MYO6: variants seen among roughly 807,000 people sequenced by gnomAD.
MYO6 encodes the protein unconventional myosin-VI.
A neutral mutation model predicts 178.7 loss-of-function variants in MYO6; 74 were observed. That is an observed-to-expected ratio of 0.41 (90% CI 0.34 to 0.50). The LOEUF (loss-of-function observed/expected upper bound fraction) is 0.50. Among genes scored for constraint, MYO6 ranks in the 20% least tolerant of loss-of-function variants. MYO6 has a pLI of 0.09. For missense variants in MYO6, 1,330 were observed against 1,547.4 expected, an observed-to-expected ratio of 0.86 and a Z score of 2.36; for synonymous variants, 477 against 504.6, an observed-to-expected ratio of 0.95 and a Z score of 0.73.
chr6:75,784,619 AAAAC>A (rs1443244160), intron 1 of MYO6, among the ~76,000 whole-genome samples: 1 of 151,686 alleles, frequency 6.6e-6, no homozygotes, highest in East Asian at 2.0e-4. Flanking sequence ...TAAAAATACA[AAAAC>A]AAAATTAGCT....
chr6:75,891,446 C>T (rs1778896218), intron 27 of MYO6, 140 bp downstream of exon 27: 80 of 540,144 alleles, frequency 1.5e-4, no homozygotes, highest in South Asian at 1.3e-3. Flanking sequence ...TCCTGGCTAA[C>T]ATGGTGAAAC....
chr6:75,779,591 A>G (rs946361371), intron 1 of MYO6, among the ~76,000 whole-genome samples: 1 of 152,162 alleles, frequency 6.6e-6, no homozygotes, highest in African/African-American at 2.4e-5. Context: ...GTTGTCTTTC[A>G]TTTTTGATAC....
chr6:75,905,337 A>G (rs1780202072), intron 30 of MYO6, among the ~76,000 whole-genome samples: 1 of 152,146 alleles, frequency 6.6e-6, no homozygotes, highest in Non-Finnish European at 1.5e-5. Context: ...GCCGCCTTGC[A>G]GTTTGATCTC....
rs1449744271 is a variant in MYO6 at position 75,886,967 on chromosome 6, T to C, written c.2631T>C (p.Ser877=). The change falls in exon 25 of 35, where the codon TCT becomes TCC. Residue 877 remains serine (S), a synonymous_variant. Transcript: ENST00000369977. Reference sequence around the variant, plus strand: ...AACAGATCAAGAATCTGGAAATTTCTATTGATACTTTGATGGCCAAAATTA... The same window carrying C: ...AACAGATCAAGAATCTGGAAATTTCCATTGATACTTTGATGGCCAAAATTA... The part of the protein sequence containing the change: ...MNKQIKNLEI[S]IDTLMAKIKS... The C allele has an allele frequency of 2.5e-6, 4 of 1,613,646 alleles. No individual in the cohort carries two copies. The highest frequency in any genetic ancestry group is 2.5e-6 in the Non-Finnish European group (3 of 1,179,796).
chr6:75,818,427 T>C (rs1346274089), intron 2 of MYO6, among the ~76,000 whole-genome samples: 1 of 152,184 alleles, frequency 6.6e-6, no homozygotes, highest in African/African-American at 2.4e-5. Flanking sequence ...GTTCCACAAT[T>C]GGTTTATTTT....
intron 1 of MYO6, among the ~76,000 whole-genome samples, chr6:75,768,580 C>A (rs1005510195): frequency 1.6e-4 from 24 of 151,924 alleles, no homozygotes; most frequent in Non-Finnish European, 3.1e-4. Context: ...TGGGGTTTCA[C>A]CATGTTGGCC....
chr6:75,882,781 A>G (rs1307662281), intron 23 of MYO6, among the ~76,000 whole-genome samples: 1 of 152,178 alleles, frequency 6.6e-6, no homozygotes, highest in African/African-American at 2.4e-5. Flanking sequence ...TACTAACAAT[A>G]GTTGCATGGG....
chr6:75,823,002 G>T, intron 3 of MYO6, 151 bp downstream of exon 3: 2 of 650,522 alleles, frequency 3.1e-6, no homozygotes, highest in Non-Finnish European at 5.4e-6. Flanking sequence ...GAAGGAACTC[G>T]AGTCCTCCAT....
chr6:75,807,324 T>C (rs747952387), intron 1 of MYO6, among the ~76,000 whole-genome samples: 6 of 152,194 alleles, frequency 3.9e-5, no homozygotes, highest in Non-Finnish European at 7.3e-5. Context: ...GTGTGTCTGT[T>C]TTCTAGTACA....
chr6:75,754,620 A>G (rs1777190592), intron 1 of MYO6, among the ~76,000 whole-genome samples: 1 of 148,094 alleles, frequency 6.8e-6, no homozygotes, highest in Admixed American at 6.9e-5. Flanking sequence ...ATCTATGTGG[A>G]TGAACATCTT....
At position 75,774,778 on chromosome 6, in the gene MYO6, A is replaced by T. The variant is rs558323268; in HGVS notation, c.-48+25355A>T. Among the ~76,000 whole-genome samples the T allele has an allele frequency of 9.0e-4, 137 of 151,796 alleles. 1 individual carries two copies. Among genetic ancestry groups the T allele is most frequent in the Non-Finnish European group, 1.5e-3 (99 of 67,962 alleles). On this transcript the variant is annotated intron_variant, in intron 1 of 34. Transcript: ENST00000369977. ...CTTAAAACTGGGGGAGTTTATTGAG[A>T]AATTATTATTATTATTATTACTATT...
chr6:75,902,951 A>G (rs1377630988), intron 30 of MYO6, among the ~76,000 whole-genome samples: 1 of 151,682 alleles, frequency 6.6e-6, no homozygotes, highest in Non-Finnish European at 1.5e-5. Context: ...GTTTCAAAGA[A>G]CATCTTTATT....
chr6:75,750,262 T>A (rs979433647), intron 1 of MYO6, among the ~76,000 whole-genome samples: 1 of 151,800 alleles, frequency 6.6e-6, no homozygotes, highest in Non-Finnish European at 1.5e-5. Context: ...GCCTGGCTAA[T>A]TTTTTTGTAT....
rs762612311 is a variant in MYO6 at position 75,898,406 on chromosome 6, G to C, written c.3171G>C (p.Leu1057Phe). 8.1e-6 allele frequency: 13 copies of C among 1,609,222 alleles called. No homozygotes were observed. The highest frequency in any genetic ancestry group is 1.1e-5 in the Non-Finnish European group (13 of 1,175,898). ...TGGCCAAAGAAATGTCAGAATTTTT[G>C]AGTAGGTTAGTGCAGTGTAATTGGG... ...EQMAKEMSEF[L>F]SRGPAVLATK... Residue 1057 changes from leucine to phenylalanine, a missense_variant, in exon 30 of 35, where the codon TTG becomes TTC. Around this residue, in one of 3 missense-constraint regions of MYO6, gnomAD observed 601 missense variants for 626.1 expected, o/e 0.96. Transcript: ENST00000369977.
chr6:75,823,722 G>A (rs1270386265), intron 3 of MYO6, among the ~76,000 whole-genome samples: 1 of 152,234 alleles, frequency 6.6e-6, no homozygotes, highest in South Asian at 2.1e-4. Context: ...GCCATGGACT[G>A]TAACTGTAGA....
intron 1 of MYO6, among the ~76,000 whole-genome samples, chr6:75,790,687 G>A (rs1426546768): frequency 2.6e-5 from 4 of 152,014 alleles, no homozygotes; most frequent in Non-Finnish European, 5.9e-5. Flanking sequence ...GCCAGAAATA[G>A]TATCTCATTT....
intron 27 of MYO6, among the ~76,000 whole-genome samples, chr6:75,891,562 G>A (rs1299715099): frequency 1.3e-5 from 2 of 152,064 alleles, no homozygotes; most frequent in African/African-American, 4.8e-5. Flanking sequence ...AACCCAGGAG[G>A]CAGAGCTTGC....
chr6:75,757,004 AGT>A (rs1491356609), intron 1 of MYO6, among the ~76,000 whole-genome samples: 1 of 132,044 alleles, frequency 7.6e-6, no homozygotes, highest in Non-Finnish European at 1.6e-5. Context: ...ACACATATAT[AGT>A]GTGTATATAT....
chr6:75,885,951 G>A (rs1039862601), intron 23 of MYO6, 53 bp from the exon 24 acceptor site: 52 of 1,090,336 alleles, frequency 4.8e-5, no homozygotes, highest in Admixed American at 9.6e-5. Flanking sequence ...TTTAATATAT[G>A]TTAGATTTAA....
Sources: allele counts gnomAD v4.1 joint callset (sites outside exome capture counted in the v4.1 genomes callset), GRCh38; gene constraint gnomAD v4.1.1; regional missense constraint gnomAD v4.1.1; transcripts MANE v1.5; gene names NCBI Gene and HGNC (gene_info 2026-07-23, HGNC 2026-07-21).